ART1: variants seen among roughly 807,000 people sequenced by gnomAD.
ART1 encodes ADP-ribosyltransferase 1, also known as GPI-linked NAD(P)(+)--arginine ADP-ribosyltransferase 1.
Under a neutral mutation model 27.0 loss-of-function variants are expected in ART1, and 29 were observed. That is an observed-to-expected ratio of 1.08 (90% CI 0.80 to 1.47). The LOEUF (loss-of-function observed/expected upper bound fraction) is 1.47, where lower values mean the gene tolerates loss of function less well. ART1 is among the 40% of genes most tolerant of loss of function. The probability of loss-of-function intolerance (pLI) is 0.00; values close to 1 mark genes in which losing one functional copy is unlikely to be tolerated. For missense variants in ART1, 480 were observed against 423.0 expected (o/e 1.13, Z -1.18); for synonymous variants, 201 against 172.2 (o/e 1.17, Z -1.31).
intron 4 of ART1, chr11:3,663,852 A>C: frequency 2.1e-6 from 1 of 475,390 alleles, no homozygotes; most frequent in African/African-American, 2.0e-5. Context: ...GGGACTGTAC[A>C]TCAACTTTAG....
At chr11:3,663,081 C>CTCATCTCATCTCATCTCA (rs2077633813) in intron 4 of ART1, among the ~76,000 whole-genome samples, 1 of 92,966 alleles carries the variant, frequency 1.1e-5, no homozygotes, top group African/African-American at 4.7e-5. Flanking sequence ...ATCTCATCAT[C>CTCATCTCATCTCATCTCA]TCATCTCATC....
chr11:3,653,628 C>T (rs1014942673), intron 1 of ART1, among the ~76,000 whole-genome samples: 2 of 152,144 alleles, frequency 1.3e-5, no homozygotes, highest in East Asian at 1.9e-4. Context: ...TTCACACGGA[C>T]GCGCATGAAA....
chr11:3,649,616 C>T lies in ART1; in HGVS notation c.-53+4437C>T, dbSNP rs560020179. Among the ~76,000 whole-genome samples the T allele has an allele frequency of 3.3e-5, 5 of 152,350 alleles. No homozygotes were observed. The East Asian group carries it at 7.7e-4, about 24-fold the overall frequency. On this transcript the variant is annotated intron_variant, in intron 1 of 4. Transcript: ENST00000250693. ...CAGGCTGAGCTAGGTCCCAATTCTTCCTCAGCCTCAGCTCCTCCACCCTGT... is the reference window on the plus strand; with the variant it reads ...CAGGCTGAGCTAGGTCCCAATTCTTTCTCAGCCTCAGCTCCTCCACCCTGT...
At chr11:3,659,107 C>CT in intron 1 of ART1, 55 bp from the exon 2 acceptor site, 1 of 1,067,076 alleles carries the variant, frequency 9.4e-7, no homozygotes, top group Non-Finnish European at 1.4e-6. Flanking sequence ...ATGGCACAGA[C>CT]TAAGTGTCGA....
Position 3,653,062 on chromosome 11 carries a change from G to A in ART1, c.-52-6100G>A, listed in dbSNP as rs542353130. On this transcript the variant is annotated intron_variant, in intron 1 of 4. Transcript: ENST00000250693. Reference sequence around the variant, plus strand: ...TATCACCCCTTACCACAAAATCTTCGTTCAGCTTAATCTCTCCCACTCGAG... The same window carrying A: ...TATCACCCCTTACCACAAAATCTTCATTCAGCTTAATCTCTCCCACTCGAG... Among the ~76,000 whole-genome samples, 10 of 147,794 alleles carry A rather than the reference G, an allele frequency of 6.8e-5. 1 individual carries two copies. The highest frequency in any genetic ancestry group is 1.3e-4 in the Admixed American group (2 of 15,016).
chr11:3,648,074 T>A (rs1300583209), intron 1 of ART1, among the ~76,000 whole-genome samples: 1 of 152,224 alleles, frequency 6.6e-6, no homozygotes, highest in Non-Finnish European at 1.5e-5. Flanking sequence ...TGGCTCATCC[T>A]GGCTCAAAAG....
chr11:3,655,519 G>C (rs1254361462), intron 1 of ART1: 1 of 152,218 alleles, frequency 6.6e-6, no homozygotes, highest in Non-Finnish European at 1.5e-5. Context: ...CAGGGTGATG[G>C]AGAATGCTTC....
intron 1 of ART1, among the ~76,000 whole-genome samples, chr11:3,648,947 T>C (rs560188274): frequency 1.4e-5 from 2 of 140,096 alleles, no homozygotes; most frequent in South Asian, 2.4e-4. Flanking sequence ...CCCCAACCTC[T>C]TACCTCTGTG....
At chr11:3,660,479 GTCATA>G in intron 3 of ART1, 116 bp downstream of exon 3, 2 of 1,239,466 alleles carry the variant, frequency 1.6e-6, no homozygotes, top group Non-Finnish European at 2.2e-6. Flanking sequence ...ATAAATACAA[GTCATA>G]TCCACCAGCT....
At chr11:3,654,837 A>G (rs1312686582) in intron 1 of ART1, among the ~76,000 whole-genome samples, 6 of 152,220 alleles carry the variant, frequency 3.9e-5, no homozygotes, top group Non-Finnish European at 8.8e-5. Flanking sequence ...ACTCAGGTCC[A>G]CTAATTCCAT....
intron 1 of ART1, among the ~76,000 whole-genome samples, chr11:3,649,340 T>G (rs928839871): frequency 6.6e-6 from 1 of 152,188 alleles, no homozygotes; most frequent in Non-Finnish European, 1.5e-5. Context: ...CACTTTCAAT[T>G]TTTCCATCCT....
At chr11:3,654,893 G>T (rs12273593) in intron 1 of ART1, among the ~76,000 whole-genome samples, 1 of 151,820 alleles carries the variant, frequency 6.6e-6, no homozygotes, top group Non-Finnish European at 1.5e-5. Context: ...AGCCTCTGAT[G>T]TATCTTGTTT....
intron 3 of ART1, 32 bp downstream of exon 3, chr11:3,660,395 C>A (rs751044850): frequency 6.4e-7 from 1 of 1,572,710 alleles, no homozygotes; most frequent in Non-Finnish European, 8.6e-7. Context: ...GGCACCTGTG[C>A]GGAAGGTGGA....
intron 4 of ART1, 147 bp from the exon 5 acceptor site, chr11:3,663,945 G>C: frequency 1.5e-6 from 1 of 650,094 alleles, no homozygotes; most frequent in South Asian, 1.9e-5. Flanking sequence ...TCTGTTGCCC[G>C]TGGCAGTTTT....
chr11:3,656,529 C>T (rs1331529379), intron 1 of ART1, among the ~76,000 whole-genome samples: 2 of 151,994 alleles, frequency 1.3e-5, no homozygotes, highest in South Asian at 2.1e-4. Context: ...ATTATAGGCA[C>T]CTGCCATCAT....
At chr11:3,646,474 A>G (rs1315204847) in intron 1 of ART1, among the ~76,000 whole-genome samples, 1 of 152,208 alleles carries the variant, frequency 6.6e-6, no homozygotes, top group Non-Finnish European at 1.5e-5. Context: ...GAGACTTGCC[A>G]TGGCAAATTA....
chr11:3,661,086 T>C (rs1456709581), intron 3 of ART1, among the ~76,000 whole-genome samples: 3 of 151,898 alleles, frequency 2.0e-5, no homozygotes, highest in Non-Finnish European at 4.4e-5. Context: ...GGGCGAGGCA[T>C]GGAAGAGGGA....
intron 1 of ART1, among the ~76,000 whole-genome samples, chr11:3,653,089 T>G (rs1380197676): frequency 6.8e-6 from 1 of 147,916 alleles, no homozygotes; most frequent in Non-Finnish European, 1.5e-5. Flanking sequence ...CCACTCGAGG[T>G]TCCCACGCTG....
rs139021493 is a variant in ART1 at position 3,655,837 on chromosome 11, G to T, written c.-52-3325G>T. On this transcript the variant is annotated intron_variant, in intron 1 of 4. Transcript: ENST00000250693. Reference sequence around the variant, plus strand: ...TGAGAAAAGCCCCACCTGAGCCCATGACTGGATTCTACACAGGAAAGTGAG... The same window carrying T: ...TGAGAAAAGCCCCACCTGAGCCCATTACTGGATTCTACACAGGAAAGTGAG... Among the ~76,000 whole-genome samples the T allele has an allele frequency of 2.8e-3, 424 of 151,696 alleles. No individual in the cohort carries two copies. The Middle Eastern group carries it at 0.041, about 15-fold the overall frequency.
Sources: gnomAD v4.1 joint callset for allele counts (sites outside exome capture counted in the v4.1 genomes callset) on GRCh38, gnomAD v4.1.1 for gene constraint, MANE v1.5 for transcripts, NCBI Gene and HGNC (gene_info 2026-07-23, HGNC 2026-07-21) for gene names.